PELI2: variants seen among roughly 807,000 people sequenced by gnomAD.
The protein encoded by PELI2 is E3 ubiquitin-protein ligase pellino homolog 2.
PELI2 carries 23 observed loss-of-function variants against 42.3 expected under a neutral mutation model. The observed-to-expected ratio is 0.54, with a 90% confidence interval of 0.39 to 0.77. The LOEUF (loss-of-function observed/expected upper bound fraction) is 0.77, where lower values mean the gene tolerates loss of function less well. Among genes scored for constraint, PELI2 ranks in the 30% least tolerant of loss-of-function variants. PELI2 has a pLI of 0.00. For synonymous variants in PELI2, 245 were observed against 212.2 expected (o/e 1.15, Z -1.34); for missense variants, 463 against 553.2 (o/e 0.84, Z 1.64).
chr14:56,232,807 G>A (rs188937280), intron 2 of PELI2, among the ~76,000 whole-genome samples: 7 of 147,132 alleles, frequency 4.8e-5, no homozygotes, highest in African/African-American at 1.7e-4. Flanking sequence ...TAGGAAAAGA[G>A]GAAGTCAAAT....
intron 2 of PELI2, among the ~76,000 whole-genome samples, chr14:56,278,827 T>A (rs1236943282): frequency 6.6e-6 from 1 of 152,122 alleles, no homozygotes; most frequent in East Asian, 1.9e-4. Flanking sequence ...TTTGTTATAC[T>A]TAATGTAAAA....
intron 1 of PELI2, 91 bp from the exon 2 acceptor site, chr14:56,178,244 C>A (rs571655710): frequency 7.4e-6 from 10 of 1,343,350 alleles, no homozygotes; most frequent in Non-Finnish European, 1.0e-5. Context: ...TATGACCATT[C>A]CTGTCTTTTC....
At chr14:56,230,803 G>A (rs1171094030) in intron 2 of PELI2, among the ~76,000 whole-genome samples, 1 of 152,150 alleles carries the variant, frequency 6.6e-6, no homozygotes, top group Non-Finnish European at 1.5e-5. Context: ...GACACAGACT[G>A]GCAAATTGGA....
intron 2 of PELI2, among the ~76,000 whole-genome samples, chr14:56,200,873 T>A (rs967651001): frequency 3.3e-5 from 5 of 152,196 alleles, no homozygotes; most frequent in African/African-American, 9.7e-5. Flanking sequence ...AGATTTTGCC[T>A]GGTCTAATGG....
rs576403170 is a variant in PELI2, at chr14:56,229,433, C to T, written c.208-50243C>T. ...TCAGGCAGCAACATTTGTTGTTCTG[C>T]AATATTTGCTGTTCTGCAGCCTCCA... On this transcript the variant is annotated intron_variant, in intron 2 of 5. Coordinates refer to ENST00000267460, the MANE Select transcript of PELI2 (RefSeq NM_021255.3). Among the ~76,000 whole-genome samples, 10 of 152,298 alleles carry T rather than the reference C, an allele frequency of 6.6e-5. 1 individual carries two copies. In the South Asian group the frequency reaches 1.9e-3, roughly 28 times the overall value.
At chr14:56,258,282 A>G (rs575537984) in intron 2 of PELI2, among the ~76,000 whole-genome samples, 29 of 152,160 alleles carry the variant, frequency 1.9e-4, no homozygotes, top group South Asian at 1.0e-3. Flanking sequence ...TAACAAAATC[A>G]AGAACCGCCC....
chr14:56,243,104 G>A (rs190203459), intron 2 of PELI2, among the ~76,000 whole-genome samples: 208 of 152,278 alleles, frequency 1.4e-3, no homozygotes, highest in African/African-American at 4.9e-3. Context: ...TTTTCTAGAT[G>A]TCTGTCTGGT....
chr14:56,209,901 G>A (rs1886654089), intron 2 of PELI2, among the ~76,000 whole-genome samples: 1 of 152,198 alleles, frequency 6.6e-6, no homozygotes, highest in Admixed American at 6.5e-5. Context: ...AGGAACTACC[G>A]GAAATCCTGG....
chr14:56,285,632 A>C (rs1376682557), intron 3 of PELI2, among the ~76,000 whole-genome samples: 1 of 152,214 alleles, frequency 6.6e-6, no homozygotes, highest in Non-Finnish European at 1.5e-5. Context: ...CTGGCTCAGC[A>C]TAAGCCCTGG....
chr14:56,279,194 A>T (rs1421641832), intron 2 of PELI2, among the ~76,000 whole-genome samples: 1 of 152,210 alleles, frequency 6.6e-6, no homozygotes. Context: ...ACGGTGTATT[A>T]TGATATTGAA....
At chr14:56,278,740 G>T (rs1401403393) in intron 2 of PELI2, among the ~76,000 whole-genome samples, 4 of 152,120 alleles carry the variant, frequency 2.6e-5, no homozygotes, top group African/African-American at 9.7e-5. Context: ...TGTGTGTCCA[G>T]TTTCTTCTAG....
At chr14:56,284,471 T>G (rs1889583474) in intron 3 of PELI2, among the ~76,000 whole-genome samples, 1 of 152,144 alleles carries the variant, frequency 6.6e-6, no homozygotes, top group African/African-American at 2.4e-5. Flanking sequence ...GCCCTTTCTC[T>G]CAGATTTCAC....
chr14:56,130,646 ATTAAATGTCTGTT>A (rs1174089735), intron 1 of PELI2, among the ~76,000 whole-genome samples: 1 of 152,048 alleles, frequency 6.6e-6, no homozygotes, highest in African/African-American at 2.4e-5. Flanking sequence ...TTTTCAGAAA[ATTAAATGTCTGTT>A]TTTGAGGAAA....
rs976760806 is a variant in PELI2, at chr14:56,267,541, A to G, written c.208-12135A>G. Reference sequence around the variant, plus strand: ...CATTATTTTACTCAAAATTTTGTATATTAAGATTGTAATCTGCATGTTTCC... The same window carrying G: ...CATTATTTTACTCAAAATTTTGTATGTTAAGATTGTAATCTGCATGTTTCC... On this transcript the variant is annotated intron_variant, in intron 2 of 5. Transcript: ENST00000267460. 2.0e-5 allele frequency among the ~76,000 whole-genome samples: 3 copies of G among 152,198 alleles called. No homozygotes were observed. In the East Asian group the frequency reaches 5.8e-4, roughly 29 times the overall value.
intron 3 of PELI2, among the ~76,000 whole-genome samples, chr14:56,282,515 G>A (rs1889514226): frequency 2.0e-5 from 3 of 152,062 alleles, no homozygotes; most frequent in Admixed American, 2.0e-4. Context: ...AAGGGACTGA[G>A]CAGGTGGTAT....
intron 2 of PELI2, among the ~76,000 whole-genome samples, chr14:56,278,724 A>G (rs78718279): frequency 0.024 from 3,729 of 152,308 alleles, 144 homozygotes; most frequent in African/African-American, 0.085. Context: ...TTTCATTAAC[A>G]TGCTGTGTGT....
At chr14:56,135,614 G>A (rs1437479847) in intron 1 of PELI2, among the ~76,000 whole-genome samples, 1 of 152,086 alleles carries the variant, frequency 6.6e-6, no homozygotes, top group African/African-American at 2.4e-5. Context: ...AGCTACACAT[G>A]GTGACTATTA....
At chr14:56,241,872 A>G (rs1041476464) in intron 2 of PELI2, among the ~76,000 whole-genome samples, 34 of 152,202 alleles carry the variant, frequency 2.2e-4, no homozygotes, top group African/African-American at 7.7e-4. Context: ...GACATTTTAG[A>G]TCCATAAGGA....
In PELI2 at chr14:56,288,301, A is replaced by T; in HGVS notation, c.310-136A>T. ...TAAATAGGAAAAGGAGCACGAATGA[A>T]AATCTTGCATTAAATTCTAACCCTC... On this transcript the variant is annotated intron_variant, in intron 3 of 5. Coordinates refer to ENST00000267460, the MANE Select transcript of PELI2 (RefSeq NM_021255.3). The surrounding 1 kb of genome is among the most constrained non-coding windows in gnomAD (Gnocchi z 4.6). 1 of 671,920 alleles carries T rather than the reference A, an allele frequency of 1.5e-6. No homozygotes were observed. The allele number at this position is 671,920 out of a possible 1,614,324, so 41.6% of individuals were successfully genotyped here. A position where few individuals can be genotyped will look rare whatever the true frequency, so the allele number is the denominator to read the frequency against.
Sources: allele counts gnomAD v4.1 joint callset (sites outside exome capture counted in the v4.1 genomes callset), GRCh38; gene constraint gnomAD v4.1.1; non-coding constraint Gnocchi (gnomAD v3.1); transcripts MANE v1.5; gene names NCBI Gene and HGNC (gene_info 2026-07-23, HGNC 2026-07-21).